The following CADPS2 variants were observed in gnomAD, a reference collection of about 807,000 sequenced individuals.
CADPS2 encodes calcium-dependent secretion activator 2.
A neutral mutation model predicts 172.5 loss-of-function variants in CADPS2; 93 were observed. The observed-to-expected ratio is 0.54, with a 90% CI of 0.46 to 0.64. The LOEUF is 0.64. CADPS2 is among the 30% of genes least tolerant of loss of function. The pLI is 0.00. For synonymous variants in CADPS2, 546 were observed against 555.2 expected, an observed-to-expected ratio of 0.98 and a Z score of 0.23; for missense variants, 1,420 against 1,565.9, an observed-to-expected ratio of 0.91 and a Z score of 1.57.
rs376397626 is a variant in CADPS2 at position 122,393,222 on chromosome 7, C to T, written c.2982G>A (p.Ser994=). 79 of 1,613,666 alleles carry T rather than the reference C, an allele frequency of 4.9e-5. No individual in the cohort carries two copies. The highest frequency in any genetic ancestry group is 2.2e-4 in the East Asian group (10 of 44,872). ...LPQIPNISTA[S]WMPSLYESTN... ...TGGACTCATATAAAGAAGGCATCCA[C>T]GAAGCAGTAGAAATGTTAGGAATCT... is the stretch of plus-strand genomic sequence containing the variant. The change falls in exon 22 of 30, where the codon TCG becomes TCA. Residue 994 remains serine (S), a synonymous_variant. Coordinates refer to ENST00000449022, the MANE Select transcript of CADPS2 (RefSeq NM_017954.11).
chr7:122,370,053 T>G (rs1345824717), intron 25 of CADPS2, among the ~76,000 whole-genome samples: 1 of 151,170 alleles, frequency 6.6e-6, no homozygotes, highest in Admixed American at 6.6e-5. Context: ...CTGCAGTTTC[T>G]CTTACTTAAA....
intron 1 of CADPS2, among the ~76,000 whole-genome samples, chr7:122,815,660 G>A (rs902440165): frequency 6.6e-5 from 10 of 151,864 alleles, no homozygotes; most frequent in South Asian, 2.1e-4. Context: ...GTTAGACATC[G>A]ACAAAGCTGA....
intron 25 of CADPS2, among the ~76,000 whole-genome samples, chr7:122,374,731 G>T (rs1193064741): frequency 6.6e-6 from 1 of 152,110 alleles, no homozygotes; most frequent in East Asian, 1.9e-4. Flanking sequence ...CGGGGGCTGT[G>T]GGGATAGGGG....
chr7:122,566,737 C>T (rs2132379658), intron 7 of CADPS2, among the ~76,000 whole-genome samples: 1 of 152,256 alleles, frequency 6.6e-6, no homozygotes, highest in East Asian at 1.9e-4. Flanking sequence ...AATTGTTGTT[C>T]TAGTTTATTA....
chr7:122,780,422 C>G (rs1792380302), intron 1 of CADPS2, among the ~76,000 whole-genome samples: 1 of 152,112 alleles, frequency 6.6e-6, no homozygotes, highest in Non-Finnish European at 1.5e-5. Context: ...TTTTTAATCA[C>G]AGCTACTGTT....
At chr7:122,651,996 G>A (rs1356620397) in intron 3 of CADPS2, among the ~76,000 whole-genome samples, 1 of 152,090 alleles carries the variant, frequency 6.6e-6, no homozygotes, top group African/African-American at 2.4e-5. Flanking sequence ...AGTCAACGAT[G>A]TGAAGTTCCC....
rs902729239 is a variant in CADPS2, at chr7:122,325,424, C to T, written c.3717+53G>A. ...GTTTTCTTGTATGTCAGTATCTTGC[C>T]ATTATTCCTTATAGCTTAGTGGGCA... On this transcript the variant is annotated intron_variant, in intron 29 of 29. Coordinates refer to ENST00000449022, the MANE Select transcript of CADPS2 (RefSeq NM_017954.11). The T allele has an allele frequency of 1.3e-5, 15 of 1,148,002 alleles. No homozygotes were observed. The African/African-American group carries it at 2.1e-4, about 16-fold the overall frequency. The allele number at this position is 1,148,002 out of a possible 1,614,324, so 71.1% of individuals were successfully genotyped here.
intron 2 of CADPS2, among the ~76,000 whole-genome samples, chr7:122,674,304 C>T (rs2082183660): frequency 6.6e-6 from 1 of 152,216 alleles, no homozygotes; most frequent in African/African-American, 2.4e-5. Flanking sequence ...TGAAGGGCTC[C>T]TTGAGCATGG....
intron 27 of CADPS2, among the ~76,000 whole-genome samples, chr7:122,347,022 A>C (rs982245551): frequency 1.1e-4 from 16 of 152,230 alleles, no homozygotes; most frequent in African/African-American, 3.6e-4. Context: ...TAAATTAGAT[A>C]GATCCATCGA....
chr7:122,351,896 G>A (rs2038706332), intron 27 of CADPS2, among the ~76,000 whole-genome samples: 1 of 152,170 alleles, frequency 6.6e-6, no homozygotes, highest in Non-Finnish European at 1.5e-5. Flanking sequence ...CAGTTATGTA[G>A]CATTAGTATG....
intron 1 of CADPS2, among the ~76,000 whole-genome samples, chr7:122,867,748 C>G (rs968770570): frequency 2.0e-5 from 3 of 152,178 alleles, no homozygotes; most frequent in Admixed American, 2.0e-4. Flanking sequence ...ATGGCACTCC[C>G]TTTGCCCCAG....
At chr7:122,813,997 A>T (rs1184111662) in intron 1 of CADPS2, among the ~76,000 whole-genome samples, 2 of 151,984 alleles carry the variant, frequency 1.3e-5, no homozygotes, top group Non-Finnish European at 2.9e-5. Context: ...GTCAATGTGT[A>T]TACAAGGACG....
rs562312262 is a variant in CADPS2, at chr7:122,732,870, T to C, written c.453+4085A>G. Among the ~76,000 whole-genome samples, 881 of 145,610 alleles carry C rather than the reference T, an allele frequency of 6.1e-3. 7 individuals are homozygous for C. Among genetic ancestry groups the C allele is most frequent in the African/African-American group, 0.021 (834 of 40,062 alleles). Reference sequence around the variant, plus strand: ...TGCTATGTATATTATATGATATACATTATATATGCTATGTATAATATATAT... The same window carrying C: ...TGCTATGTATATTATATGATATACACTATATATGCTATGTATAATATATAT... On this transcript the variant is annotated intron_variant, in intron 2 of 29. Coordinates refer to ENST00000449022, the MANE Select transcript of CADPS2 (RefSeq NM_017954.11).
At chr7:122,545,455 A>G (rs1490430943) in intron 8 of CADPS2, among the ~76,000 whole-genome samples, 2 of 152,176 alleles carry the variant, frequency 1.3e-5, no homozygotes, top group Non-Finnish European at 2.9e-5. Flanking sequence ...CGTGTTGGGT[A>G]TAAAATCTAG....
At chr7:122,588,138 C>A (rs778756577) in intron 6 of CADPS2, among the ~76,000 whole-genome samples, 18 of 152,068 alleles carry the variant, frequency 1.2e-4, no homozygotes, top group Middle Eastern at 6.8e-3. Flanking sequence ...TGGATTGCAA[C>A]GATTTTCTCC....
intron 1 of CADPS2, among the ~76,000 whole-genome samples, chr7:122,853,469 G>T (rs375053945): frequency 6.6e-6 from 1 of 152,160 alleles, no homozygotes; most frequent in Non-Finnish European, 1.5e-5. Context: ...TGTTGCTTTA[G>T]CCCAAAGGGT....
At chr7:122,722,818 G>C (rs2137159281) in intron 2 of CADPS2, among the ~76,000 whole-genome samples, 1 of 151,674 alleles carries the variant, frequency 6.6e-6, no homozygotes, top group South Asian at 2.1e-4. Flanking sequence ...CATGGTACTG[G>C]TACCAAAACA....
chr7:122,627,725 A>G (rs1431531399), intron 4 of CADPS2, among the ~76,000 whole-genome samples: 1 of 152,178 alleles, frequency 6.6e-6, no homozygotes, highest in Non-Finnish European at 1.5e-5. Flanking sequence ...ACAAGTAGGT[A>G]ATTTTCAAAT....
intron 6 of CADPS2, among the ~76,000 whole-genome samples, chr7:122,612,585 C>G (rs915157967): frequency 1.3e-5 from 2 of 151,900 alleles, no homozygotes; most frequent in Admixed American, 1.3e-4. Context: ...GATCAGAAGA[C>G]TTAATATTGT....
Sources: gnomAD v4.1 joint callset for allele counts (sites outside exome capture counted in the v4.1 genomes callset) on GRCh38, gnomAD v4.1.1 for gene constraint, MANE v1.5 for transcripts, NCBI Gene and HGNC (gene_info 2026-07-23, HGNC 2026-07-21) for gene names.